CLVS1: variants seen among roughly 807,000 people sequenced by gnomAD.
The protein encoded by CLVS1 is clavesin-1.
In CLVS1, 10 loss-of-function variants were observed where a neutral mutation model predicts 33.1. The observed-to-expected ratio is 0.30, with a 90% CI of 0.19 to 0.51. CLVS1 has a LOEUF of 0.51. CLVS1 is among the 20% of genes least tolerant of loss of function. CLVS1 has a pLI of 0.97. For synonymous variants in CLVS1, 163 were observed against 166.1 expected, an observed-to-expected ratio of 0.98 and a Z score of 0.14; for missense variants, 343 against 433.4, an observed-to-expected ratio of 0.79 and a Z score of 1.85.
chr8:61,182,634 G>A (rs922344729), intron 2 of CLVS1, among the ~76,000 whole-genome samples: 13 of 152,198 alleles, frequency 8.5e-5, no homozygotes, highest in East Asian at 3.9e-4. Context: ...GCGAGATACC[G>A]TCTCACGTCA....
chr8:61,462,472 C>T (rs1034305574), intron 5 of CLVS1, among the ~76,000 whole-genome samples: 4 of 152,074 alleles, frequency 2.6e-5, no homozygotes, highest in Non-Finnish European at 4.4e-5. Flanking sequence ...GCAACCTCTG[C>T]CTCCCACGTT....
At chr8:61,333,714 CTTTTA>C (rs1163743021) in intron 2 of CLVS1, among the ~76,000 whole-genome samples, 4 of 152,160 alleles carry the variant, frequency 2.6e-5, no homozygotes, top group South Asian at 4.1e-4. Flanking sequence ...TTATTTTTAA[CTTTTA>C]TTTTAAGTTC....
At chr8:61,357,475 T>G (rs1206574408) in intron 2 of CLVS1, among the ~76,000 whole-genome samples, 2 of 149,378 alleles carry the variant, frequency 1.3e-5, no homozygotes, top group Non-Finnish European at 3.0e-5. Flanking sequence ...TTTCCTTCTT[T>G]TTCTTTCCTT....
chr8:61,239,754 T>A (rs1395330560), intron 2 of CLVS1, among the ~76,000 whole-genome samples: 1 of 152,190 alleles, frequency 6.6e-6, no homozygotes, highest in Non-Finnish European at 1.5e-5. Flanking sequence ...AATTATTTTT[T>A]CAATACAAAA....
intron 2 of CLVS1, among the ~76,000 whole-genome samples, chr8:61,231,124 C>T (rs890264934): frequency 2.6e-5 from 4 of 152,070 alleles, no homozygotes; most frequent in South Asian, 2.1e-4. Flanking sequence ...TGGGGATGCA[C>T]GACTCAGGGA....
chr8:61,189,519 A>G (rs545516757), intron 2 of CLVS1, among the ~76,000 whole-genome samples: 4 of 152,222 alleles, frequency 2.6e-5, no homozygotes, highest in Non-Finnish European at 5.9e-5. Flanking sequence ...ATTCACACAT[A>G]ACAATATAAC....
chr8:60,988,829 T>C, the CLVS1 span, among the ~76,000 whole-genome samples: 9 of 152,206 alleles, frequency 5.9e-5, no homozygotes, highest in Non-Finnish European at 1.3e-4. Context: ...AAATGTTTTT[T>C]CCAGGAGAAA....
intron 2 of CLVS1, among the ~76,000 whole-genome samples, chr8:61,302,247 C>T (rs1322726326): frequency 6.6e-6 from 1 of 152,138 alleles, no homozygotes; most frequent in Non-Finnish European, 1.5e-5. Context: ...GGCTACCTTT[C>T]CGTGTTTCTA....
intron 3 of CLVS1, among the ~76,000 whole-genome samples, chr8:61,399,659 T>G (rs113530032): frequency 6.6e-6 from 1 of 152,226 alleles, no homozygotes; most frequent in South Asian, 2.1e-4. Context: ...AGGGTTTTTA[T>G]AGTTTTGGGT....
At chr8:61,440,914 A>G (rs1816516914) in intron 3 of CLVS1, among the ~76,000 whole-genome samples, 1 of 152,120 alleles carries the variant, frequency 6.6e-6, no homozygotes, top group African/African-American at 2.4e-5. Flanking sequence ...TAATGAGTGC[A>G]TTCTCTTCTC....
intron 3 of CLVS1, among the ~76,000 whole-genome samples, chr8:61,425,821 C>T (rs567075696): frequency 1.3e-5 from 2 of 152,290 alleles, no homozygotes; most frequent in Admixed American, 6.5e-5. Context: ...GACAGTTCCA[C>T]ATGTCACATG....
intron 2 of CLVS1, among the ~76,000 whole-genome samples, chr8:61,208,937 G>A (rs1393446972): frequency 2.6e-5 from 4 of 152,096 alleles, no homozygotes; most frequent in African/African-American, 9.7e-5. Flanking sequence ...GGATTCCTAA[G>A]ACACAGCTGT....
intron 5 of CLVS1, 167 bp downstream of exon 5, chr8:61,458,709 G>T: frequency 1.8e-6 from 1 of 566,970 alleles, no homozygotes; most frequent in Non-Finnish European, 3.1e-6. Context: ...AACAAATGGG[G>T]CTTGGCTGGC....
intron 1 of CLVS1, among the ~76,000 whole-genome samples, chr8:61,081,156 T>G (rs1805013718): frequency 1.3e-5 from 2 of 152,160 alleles, no homozygotes; most frequent in South Asian, 4.1e-4. Flanking sequence ...GAGGAGGCAC[T>G]GAAATGATCC....
chr8:61,374,010 G>C (rs779075106), intron 2 of CLVS1, among the ~76,000 whole-genome samples: 13 of 152,194 alleles, frequency 8.5e-5, no homozygotes, highest in Non-Finnish European at 1.8e-4. Context: ...GAGAACAGTG[G>C]TAACATCTGA....
At chr8:61,104,600 A>G (rs151109300) in intron 1 of CLVS1, among the ~76,000 whole-genome samples, 41 of 152,336 alleles carry the variant, frequency 2.7e-4, no homozygotes, top group African/African-American at 9.9e-4. Flanking sequence ...TTTTTATAAT[A>G]CATTTTTTTC....
chr8:61,397,963 A>G (rs1371807312), intron 3 of CLVS1, among the ~76,000 whole-genome samples: 1 of 152,072 alleles, frequency 6.6e-6, no homozygotes, highest in African/African-American at 2.4e-5. Flanking sequence ...TTATATTTCA[A>G]GATTGTTTGG....
intron 1 of CLVS1, among the ~76,000 whole-genome samples, chr8:61,087,055 C>T (rs1338012149): frequency 6.6e-6 from 1 of 152,176 alleles, no homozygotes; most frequent in African/African-American, 2.4e-5. Flanking sequence ...AGGGTGAGGA[C>T]CTTCTAGCAC....
At chr8:61,249,074 C>A (rs931850244) in intron 2 of CLVS1, among the ~76,000 whole-genome samples, 1 of 152,090 alleles carries the variant, frequency 6.6e-6, no homozygotes, top group Non-Finnish European at 1.5e-5. Flanking sequence ...AGTCCCCCAC[C>A]CCCTGACAGG....
Sources: allele counts gnomAD v4.1 joint callset (sites outside exome capture counted in the v4.1 genomes callset), GRCh38; gene constraint gnomAD v4.1.1; transcripts MANE v1.5; gene names NCBI Gene and HGNC (gene_info 2026-07-23, HGNC 2026-07-21).